STK33: variants seen among roughly 807,000 people sequenced by gnomAD.
STK33 encodes the protein serine/threonine-protein kinase 33.
In STK33, 52 loss-of-function variants were observed where a neutral mutation model predicts 58.0. The ratio of observed to expected loss-of-function variants is 0.90; its 90% CI spans 0.72 to 1.13. The LOEUF is 1.13. Ranked by LOEUF, STK33 falls within the 50% of genes most tolerant of loss-of-function variation. STK33 has a pLI of 0.00. For synonymous variants in STK33, 215 were observed against 200.1 expected, an observed-to-expected ratio of 1.07 and a Z score of -0.63; for missense variants, 630 against 604.2, an observed-to-expected ratio of 1.04 and a Z score of -0.45.
At position 8,511,315 on chromosome 11, in the gene STK33, C is replaced by A. The variant is rs186741746; in HGVS notation, c.-465-30701G>T. ...TCATTGTTGGTGTATAGCAGTCCTA[C>A]TGATTTGTGTACATTGATTTTGTAT... is the stretch of plus-strand genomic sequence containing the variant. On this transcript the variant is annotated intron_variant, in intron 1 of 15. Transcript: ENST00000687296. 6.6e-5 allele frequency among the ~76,000 whole-genome samples: 10 copies of A among 152,192 alleles called. No homozygotes were observed. The East Asian group carries it at 1.4e-3, about 21-fold the overall frequency.
At chr11:8,541,546 A>G (rs1362828779) in intron 1 of STK33, among the ~76,000 whole-genome samples, 8 of 152,024 alleles carry the variant, frequency 5.3e-5, no homozygotes, top group Non-Finnish European at 2.9e-5. Flanking sequence ...AGTATGAACA[A>G]CTCCTTACTA....
At chr11:8,351,572 C>T in the STK33 span, among the ~76,000 whole-genome samples, 1 of 152,338 alleles carries the variant, frequency 6.6e-6, no homozygotes, top group South Asian at 2.1e-4. Context: ...CCTGTCACTT[C>T]ACCATAATTT....
intron 5 of STK33, 97 bp from the exon 6 acceptor site, chr11:8,473,373 C>A: frequency 1.4e-6 from 1 of 730,328 alleles, no homozygotes; most frequent in South Asian, 1.8e-5. Flanking sequence ...AACTCTTTAA[C>A]GTGTGCCATG....
chr11:8,552,037 C>A (rs983957701), intron 1 of STK33, among the ~76,000 whole-genome samples: 1 of 152,220 alleles, frequency 6.6e-6, no homozygotes, highest in Non-Finnish European at 1.5e-5. Context: ...GATGGTACAA[C>A]CCTCCTGGTG....
chr11:8,411,699 T>C (rs1253444317), intron 15 of STK33, among the ~76,000 whole-genome samples: 4 of 152,140 alleles, frequency 2.6e-5, no homozygotes, highest in African/African-American at 9.7e-5. Flanking sequence ...CTTCCAATGA[T>C]GGGGAGGTGG....
chr11:8,367,787 C>T, the STK33 span, among the ~76,000 whole-genome samples: 1 of 152,138 alleles, frequency 6.6e-6, no homozygotes, highest in Non-Finnish European at 1.5e-5. Context: ...ATGGTATAGT[C>T]GGGATTTGAA....
At chr11:8,553,430 T>C (rs1283526368) in intron 1 of STK33, among the ~76,000 whole-genome samples, 5 of 151,726 alleles carry the variant, frequency 3.3e-5, no homozygotes, top group Admixed American at 2.0e-4. Flanking sequence ...CCTTACAATG[T>C]TACAACACCT....
chr11:8,378,056 G>A, the STK33 span, among the ~76,000 whole-genome samples: 1 of 152,164 alleles, frequency 6.6e-6, no homozygotes, highest in Non-Finnish European at 1.5e-5. Context: ...GGGCTACTAT[G>A]AAGAAATACT....
intron 1 of STK33, among the ~76,000 whole-genome samples, chr11:8,490,392 A>C (rs1166476525): frequency 6.6e-6 from 1 of 152,214 alleles, no homozygotes; most frequent in African/African-American, 2.4e-5. Context: ...CTGAGGCTTG[A>C]GTAGGTAAAC....
At chr11:8,553,257 T>C (rs1037399671) in intron 1 of STK33, among the ~76,000 whole-genome samples, 1 of 140,598 alleles carries the variant, frequency 7.1e-6, no homozygotes, top group Non-Finnish European at 1.5e-5. Context: ...ATATGATATA[T>C]ATATCATATA....
At chr11:8,532,633 C>G (rs964679733) in intron 1 of STK33, among the ~76,000 whole-genome samples, 14 of 152,318 alleles carry the variant, frequency 9.2e-5, no homozygotes, top group Admixed American at 4.6e-4. Flanking sequence ...CACAGGCTAT[C>G]TGCACTAAGC....
the STK33 span, among the ~76,000 whole-genome samples, chr11:8,349,616 C>A: frequency 6.6e-6 from 1 of 152,256 alleles, no homozygotes; most frequent in Non-Finnish European, 1.5e-5. Context: ...AACTGCTGAG[C>A]CAGTTGTCTG....
chr11:8,386,052 C>T, the STK33 span, among the ~76,000 whole-genome samples: 1 of 152,200 alleles, frequency 6.6e-6, no homozygotes, highest in African/African-American at 2.4e-5. Flanking sequence ...GGATTACAGG[C>T]GTGAGCCACC....
rs541785603 is a variant in STK33 at position 8,569,970 on chromosome 11, A to G, written c.-466+24113T>C. 5.3e-5 allele frequency among the ~76,000 whole-genome samples: 8 copies of G among 152,226 alleles called. No homozygotes were observed. The South Asian group carries it at 1.2e-3, about 24-fold the overall frequency. On this transcript the variant is annotated intron_variant, in intron 1 of 15. Transcript: ENST00000687296. ...TCTCAAAAAAATAAATAAATAGATA[A>G]ATAAAAGAAAACGAATAGGCAAGCC...
chr11:8,524,338 TAAA>T (rs1241360446), intron 1 of STK33, among the ~76,000 whole-genome samples: 3 of 151,054 alleles, frequency 2.0e-5, no homozygotes, highest in African/African-American at 7.3e-5. Flanking sequence ...AATAAATAAA[TAAA>T]AAACGGGAAA....
chr11:8,499,937 G>T (rs186408784), intron 1 of STK33, among the ~76,000 whole-genome samples: 1 of 152,082 alleles, frequency 6.6e-6, no homozygotes, highest in Non-Finnish European at 1.5e-5. Context: ...GGGGGCTAGG[G>T]GAGGGATAGC....
At chr11:8,428,928 G>C (rs1943089692) in intron 14 of STK33, among the ~76,000 whole-genome samples, 1 of 151,628 alleles carries the variant, frequency 6.6e-6, no homozygotes, top group African/African-American at 2.4e-5. Flanking sequence ...AAATTATAGA[G>C]CCTTAGAGTC....
At chr11:8,384,439 C>T in the STK33 span, among the ~76,000 whole-genome samples, 1 of 152,206 alleles carries the variant, frequency 6.6e-6, no homozygotes. Context: ...TCTGCTCCAC[C>T]AGCCTCTTGC....
the STK33 span, among the ~76,000 whole-genome samples, chr11:8,348,454 AACTC>A: frequency 6.6e-6 from 1 of 152,146 alleles, no homozygotes; most frequent in African/African-American, 2.4e-5. Context: ...ATCTCGTGAG[AACTC>A]ACTCACTATC....
Sources: allele counts gnomAD v4.1 joint callset (sites outside exome capture counted in the v4.1 genomes callset), GRCh38; gene constraint gnomAD v4.1.1; transcripts MANE v1.5; gene names NCBI Gene and HGNC (gene_info 2026-07-23, HGNC 2026-07-21).